Variants in BRD9 observed in about 807,000 individuals in gnomAD.
BRD9 encodes the protein bromodomain-containing protein 9.
A neutral mutation model predicts 68.7 loss-of-function variants in BRD9; 47 were observed. That is an observed-to-expected ratio of 0.68 (90% CI 0.54 to 0.87). The LOEUF (loss-of-function observed/expected upper bound fraction) is 0.87. Among genes scored for constraint, BRD9 ranks in the 40% least tolerant of loss-of-function variants. The pLI is 0.00. For missense variants in BRD9, 670 were observed against 748.4 expected (o/e 0.90, Z 1.22); for synonymous variants, 313 against 293.9 (o/e 1.06, Z -0.67).
At chr5:878,312 C>A (rs777723817) in intron 11 of BRD9, 43 bp downstream of exon 11, 1 of 1,486,748 alleles carries the variant, frequency 6.7e-7, no homozygotes, top group East Asian at 2.4e-5. Context: ...GGGCACAGCT[C>A]AAGCTGCACA....
chr5:886,726 C>T lies in BRD9; in HGVS notation c.718-19G>A, dbSNP rs4957111. Reference sequence around the variant, plus strand: ...CTGCCTGCTGAGAAAAATCCATGTCCTGCATAAACGACATGCTGCGCTTCA... The same window carrying T: ...CTGCCTGCTGAGAAAAATCCATGTCTTGCATAAACGACATGCTGCGCTTCA... On this transcript the variant is annotated intron_variant, in intron 6 of 15. Transcript: ENST00000467963. The T allele has an allele frequency of 6.2e-7, 1 of 1,614,028 alleles. No individual in the cohort carries two copies. The highest frequency in any genetic ancestry group is 8.5e-7 in the Non-Finnish European group (1 of 1,179,968).
intron 14 of BRD9, among the ~76,000 whole-genome samples, chr5:870,035 G>GGT (rs1164639664): frequency 2.0e-5 from 3 of 152,210 alleles, no homozygotes; most frequent in African/African-American, 7.2e-5. Context: ...TATTCTGCGG[G>GGT]GTGTCACCCA....
rs771275642 is a variant in BRD9, at chr5:884,082, G to C, written c.834-12C>G. ...GCTCAAACATGCAGCTGTGAGGTGG[G>C]GACAACCAAGTCACCTGGAGGCAGC... On this transcript the variant is annotated splice_polypyrimidine_tract_variant and intron_variant, in intron 7 of 15. Transcript: ENST00000467963. The C allele has an allele frequency of 6.2e-7, 1 of 1,610,970 alleles. No individual in the cohort carries two copies. Among genetic ancestry groups the C allele is most frequent in the Non-Finnish European group, 8.5e-7 (1 of 1,178,762 alleles).
intron 7 of BRD9, 31 bp from the exon 8 acceptor site, chr5:884,101 A>C: frequency 6.2e-7 from 1 of 1,605,628 alleles, no homozygotes; most frequent in Non-Finnish European, 8.5e-7. Context: ...AGTCACCTGG[A>C]GGCAGCGTCC....
intron 14 of BRD9, chr5:866,078 C>T: frequency 6.5e-6 from 1 of 153,516 alleles, no homozygotes; most frequent in Non-Finnish European, 1.5e-5. Context: ...CACTCCTGAA[C>T]TGTGCACCAG....
At chr5:883,446 G>A (rs1230823407) in intron 8 of BRD9, 17 of 456,330 alleles carry the variant, frequency 3.7e-5, no homozygotes, top group Admixed American at 1.2e-4. Flanking sequence ...GGTCTAGAAC[G>A]TCTCCTGCCA....
chr5:882,676 T>C (rs1365566905), intron 8 of BRD9: 1 of 125,058 alleles, frequency 8.0e-6, no homozygotes, highest in Non-Finnish European at 1.6e-5. Flanking sequence ...CTCCCAACAC[T>C]TGAGCCACAC....
chr5:874,364 G>A (rs1445714830), intron 12 of BRD9, among the ~76,000 whole-genome samples: 1 of 152,184 alleles, frequency 6.6e-6, no homozygotes, highest in Non-Finnish European at 1.5e-5. Flanking sequence ...CAACATGTGG[G>A]CCATAAGAAA....
intron 6 of BRD9, 114 bp downstream of exon 6, chr5:887,247 T>C (rs1752705538): frequency 4.6e-6 from 4 of 869,512 alleles, no homozygotes; most frequent in Admixed American, 4.1e-5. Context: ...GGCAACACCA[T>C]GAGGGTGGCG....
chr5:892,040 C>A, intron 1 of BRD9, 186 bp from the exon 2 acceptor site: 1 of 968,714 alleles, frequency 1.0e-6, no homozygotes, highest in Non-Finnish European at 1.5e-6. Context: ...TTCTCCCTTC[C>A]CCTCCGCAGG....
chr5:867,035 A>G (rs907559224), intron 14 of BRD9, among the ~76,000 whole-genome samples: 13 of 152,194 alleles, frequency 8.5e-5, no homozygotes, highest in African/African-American at 2.9e-4. Context: ...CTGGGGGTCT[A>G]GGAGGGAAAA....
intron 11 of BRD9, 91 bp downstream of exon 11, chr5:878,264 C>A: frequency 6.4e-7 from 1 of 1,559,448 alleles, no homozygotes. Context: ...TGGCTCTCTC[C>A]CCACCCGCAC....
intron 12 of BRD9, among the ~76,000 whole-genome samples, 200 bp from the exon 13 acceptor site, chr5:871,764 C>A (rs1288773377): frequency 6.6e-6 from 1 of 152,248 alleles, no homozygotes; most frequent in Non-Finnish European, 1.5e-5. Context: ...CCACGCCCAG[C>A]CCCCTCCTCA....
intron 12 of BRD9, among the ~76,000 whole-genome samples, chr5:872,515 G>C (rs72703138): frequency 1.7e-3 from 259 of 152,266 alleles, no homozygotes; most frequent in African/African-American, 5.8e-3. Flanking sequence ...CGCTGTGTTG[G>C]GGGGGCCAGC....
intron 1 of BRD9, 126 bp downstream of exon 1, chr5:892,480 G>GC: frequency 2.1e-6 from 3 of 1,448,976 alleles, no homozygotes; most frequent in Non-Finnish European, 2.7e-6. Flanking sequence ...CCTCCCGCGT[G>GC]CCCAGAACCC....
At chr5:876,245 G>A (rs1750904729) in intron 11 of BRD9, 33 bp from the exon 12 acceptor site, 4 of 1,566,928 alleles carry the variant, frequency 2.6e-6, no homozygotes, top group African/African-American at 1.4e-5. Context: ...TACGCTGAAA[G>A]GAGCCCTTGT....
At position 884,013 on chromosome 5, in the gene BRD9, C is replaced by T. The variant is rs1216553383; in HGVS notation, c.891G>A (p.Glu297=). 1 of 1,613,840 alleles carries T rather than the reference C, an allele frequency of 6.2e-7. No homozygotes were observed. The highest frequency in any genetic ancestry group is 8.5e-7 in the Non-Finnish European group (1 of 1,180,044). The change falls in exon 8 of 16, where the codon GAG becomes GAA. Residue 297 remains glutamate, a synonymous_variant. Transcript: ENST00000467963. Reference sequence around the variant, plus strand: ...CGTGCTCCACCAGCGCCAGCACGTGCTCCTCTGCGGTACTGTCCGTCAAGC... The same window carrying T: ...CGTGCTCCACCAGCGCCAGCACGTGTTCCTCTGCGGTACTGTCCGTCAAGC... ...ACSLTDSTAE[E]HVLALVEHAA...
At chr5:870,973 G>T (rs1750049314) in intron 13 of BRD9, among the ~76,000 whole-genome samples, 1 of 151,930 alleles carries the variant, frequency 6.6e-6, no homozygotes, top group Admixed American at 6.6e-5. Context: ...TGTCCTCAGG[G>T]CTAGACTACA....
chr5:885,265 G>T (rs528247044), intron 7 of BRD9, among the ~76,000 whole-genome samples: 3 of 152,350 alleles, frequency 2.0e-5, no homozygotes, highest in African/African-American at 7.2e-5. Flanking sequence ...CGCCTTAGGG[G>T]ACTGTCGTCC....
Sources: gnomAD v4.1 joint callset for allele counts (sites outside exome capture counted in the v4.1 genomes callset) on GRCh38, gnomAD v4.1.1 for gene constraint, MANE v1.5 for transcripts, NCBI Gene and HGNC (gene_info 2026-07-23, HGNC 2026-07-21) for gene names.